Variants in CNBD1 observed in about 807,000 individuals in gnomAD.
CNBD1 encodes cyclic nucleotide-binding domain-containing protein 1.
A neutral mutation model predicts 54.4 loss-of-function variants in CNBD1; 71 were observed. That is an observed-to-expected ratio of 1.30 (90% confidence interval 1.08 to 1.59). CNBD1 has a LOEUF of 1.59. Ranked by LOEUF, CNBD1 falls within the 40% of genes most tolerant of loss-of-function variation. CNBD1 has a pLI of 0.00. For missense variants in CNBD1, 659 were observed against 518.0 expected (o/e 1.27, Z -2.64); for synonymous variants, 182 against 170.7 (o/e 1.07, Z -0.51).
chr8:87,148,313 C>A (rs1217279103), intron 4 of CNBD1, among the ~76,000 whole-genome samples: 1 of 152,074 alleles, frequency 6.6e-6, no homozygotes, highest in African/African-American at 2.4e-5. Flanking sequence ...TTAGAGATGG[C>A]GTGATTTGTC....
At chr8:87,343,205 G>A (rs1375797816) in intron 8 of CNBD1, among the ~76,000 whole-genome samples, 6 of 152,144 alleles carry the variant, frequency 3.9e-5, no homozygotes, top group Admixed American at 2.6e-4. Context: ...CTGGAAAATT[G>A]CAGTTATTCC....
intron 5 of CNBD1, among the ~76,000 whole-genome samples, chr8:87,228,908 A>G (rs927562133): frequency 8.5e-5 from 13 of 152,130 alleles, no homozygotes; most frequent in African/African-American, 2.4e-4. Flanking sequence ...GTGGGGTAGG[A>G]CCCTCCGAGC....
At chr8:86,888,297 C>A (rs963997617) in intron 2 of CNBD1, among the ~76,000 whole-genome samples, 1 of 152,084 alleles carries the variant, frequency 6.6e-6, no homozygotes, top group African/African-American at 2.4e-5. Context: ...TTTCTCATTT[C>A]TTCTGTCTCA....
chr8:86,884,781 TG>T (rs1259407839), intron 1 of CNBD1, among the ~76,000 whole-genome samples: 1 of 152,230 alleles, frequency 6.6e-6, no homozygotes, highest in Non-Finnish European at 1.5e-5. Context: ...TCTGTTGCTA[TG>T]GCTGCTGAAC....
At chr8:87,139,322 A>C (rs1373829485) in intron 4 of CNBD1, among the ~76,000 whole-genome samples, 1 of 152,212 alleles carries the variant, frequency 6.6e-6, no homozygotes, top group African/African-American at 2.4e-5. Flanking sequence ...AAAGGATAAC[A>C]CCTAACTAGA....
chr8:87,093,520 A>G (rs1209639871), intron 4 of CNBD1, among the ~76,000 whole-genome samples: 2 of 152,200 alleles, frequency 1.3e-5, no homozygotes, highest in Non-Finnish European at 2.9e-5. Flanking sequence ...GCCTACTGAC[A>G]TTATGAGTAT....
intron 2 of CNBD1, among the ~76,000 whole-genome samples, chr8:86,887,849 C>T (rs902280142): frequency 2.0e-5 from 3 of 151,986 alleles, no homozygotes; most frequent in Non-Finnish European, 2.9e-5. Context: ...CTAGCTGGCT[C>T]TTTGTAGTAC....
intron 3 of CNBD1, among the ~76,000 whole-genome samples, chr8:86,911,139 A>G (rs1349124024): frequency 6.6e-6 from 1 of 152,216 alleles, no homozygotes; most frequent in Non-Finnish European, 1.5e-5. Context: ...CTCCATGTTG[A>G]ACATACCTGG....
At chr8:87,058,147 C>T (rs1563452718) in intron 4 of CNBD1, among the ~76,000 whole-genome samples, 1 of 152,146 alleles carries the variant, frequency 6.6e-6, no homozygotes, top group Non-Finnish European at 1.5e-5. Context: ...AGTCATTAAA[C>T]AATAAAGTTC....
chr8:87,398,290 C>A (rs974296691), intron 2 of CNBD1, among the ~76,000 whole-genome samples: 4 of 151,290 alleles, frequency 2.6e-5, no homozygotes, highest in African/African-American at 9.7e-5. Flanking sequence ...AGACATTTTC[C>A]ATTTCTAGTA....
chr8:87,073,107 C>T (rs1810792945), intron 4 of CNBD1, among the ~76,000 whole-genome samples: 1 of 151,688 alleles, frequency 6.6e-6, no homozygotes, highest in Non-Finnish European at 1.5e-5. Context: ...TTGTATTCTG[C>T]TACTGATACT....
chr8:87,089,093 G>A (rs560761664), intron 4 of CNBD1, among the ~76,000 whole-genome samples: 1 of 152,194 alleles, frequency 6.6e-6, no homozygotes, highest in African/African-American at 2.4e-5. Flanking sequence ...AACAAAAGAT[G>A]TAAAGGCAAG....
chr8:86,922,663 A>C (rs113200401), intron 3 of CNBD1, among the ~76,000 whole-genome samples: 34 of 152,288 alleles, frequency 2.2e-4, no homozygotes, highest in African/African-American at 7.2e-4. Flanking sequence ...GTTAAAAAAA[A>C]ATCCACTTAT....
At chr8:86,959,781 G>T (rs1807879900) in intron 4 of CNBD1, among the ~76,000 whole-genome samples, 1 of 152,044 alleles carries the variant, frequency 6.6e-6, no homozygotes, top group African/African-American at 2.4e-5. Flanking sequence ...TAGCTTCCTT[G>T]CGATGGGCTC....
At chr8:87,251,729 T>C (rs561844559) in intron 6 of CNBD1, among the ~76,000 whole-genome samples, 3 of 152,272 alleles carry the variant, frequency 2.0e-5, no homozygotes, top group East Asian at 3.9e-4. Context: ...GCTATTTTTC[T>C]AATTGTATTC....
chr8:87,412,811 A>T (rs959666787), intron 2 of CNBD1, among the ~76,000 whole-genome samples: 1 of 150,926 alleles, frequency 6.6e-6, no homozygotes, highest in African/African-American at 2.5e-5. Flanking sequence ...GAAAAGAGGG[A>T]GGTAGGTTAG....
chr8:87,027,472 A>G (rs1809674531), intron 4 of CNBD1, among the ~76,000 whole-genome samples: 1 of 152,110 alleles, frequency 6.6e-6, no homozygotes, highest in Non-Finnish European at 1.5e-5. Flanking sequence ...GGGTTTCACC[A>G]TGTTGACCAG....
At position 86,939,574 on chromosome 8, in the gene CNBD1, AAT is replaced by A; in HGVS notation, c.273-20_273-19del. 1 of 1,542,340 alleles carries A rather than the reference AAT, an allele frequency of 6.5e-7. No homozygotes were observed. Among genetic ancestry groups the A allele is most frequent in the Non-Finnish European group, 8.8e-7 (1 of 1,141,714 alleles). ...TTTTATGCAGTATACAACAGCATAAAATACTATATTTTCTTGTTCAGGGAACT... is the reference window on the plus strand; with the variant it reads ...TTTTATGCAGTATACAACAGCATAAAACTATATTTTCTTGTTCAGGGAACT... On this transcript the variant is annotated intron_variant, in intron 3 of 10. Transcript: ENST00000518476.
intron 4 of CNBD1, among the ~76,000 whole-genome samples, chr8:87,107,835 C>T (rs1360029212): frequency 2.0e-5 from 3 of 152,182 alleles, no homozygotes; most frequent in Admixed American, 1.3e-4. Flanking sequence ...TGCCTGGCAA[C>T]AGCATATTTC....
Sources: gnomAD v4.1 joint callset for allele counts (sites outside exome capture counted in the v4.1 genomes callset) on GRCh38, gnomAD v4.1.1 for gene constraint, MANE v1.5 for transcripts, NCBI Gene and HGNC (gene_info 2026-07-23, HGNC 2026-07-21) for gene names.